The following ZC3H3 variants were observed in gnomAD, a reference collection of about 807,000 sequenced individuals.
ZC3H3 encodes the protein zinc finger CCCH domain-containing protein 3.
Under a neutral mutation model 77.3 loss-of-function variants are expected in ZC3H3, and 36 were observed. That is an observed-to-expected ratio of 0.47 (90% CI 0.36 to 0.61). The LOEUF (loss-of-function observed/expected upper bound fraction) is 0.61. ZC3H3 is among the 20% of genes least tolerant of loss of function. The pLI, the probability that ZC3H3 is intolerant of heterozygous loss-of-function variation, is 0.00. For synonymous variants in ZC3H3, 626 were observed against 555.2 expected (o/e 1.13, Z -1.79); for missense variants, 1,331 against 1,312.2 (o/e 1.01, Z -0.22).
chr8:143,452,592 A>G (rs544954163), intron 9 of ZC3H3, among the ~76,000 whole-genome samples: 7 of 152,338 alleles, frequency 4.6e-5, no homozygotes, highest in African/African-American at 1.7e-4. Context: ...CAATACAAAC[A>G]TGCTGGAAAC....
Position 143,494,980 on chromosome 8 carries a change from G to A in ZC3H3, c.1715+12766C>T, listed in dbSNP as rs542465631. ...ACGTGAGAATGCAGATTAGAAAGGC[G>A]GTAACACCACGTCTGAGGGGAACAG... is the stretch of plus-strand genomic sequence containing the variant. On this transcript the variant is annotated intron_variant, in intron 4 of 11. Coordinates refer to ENST00000262577, the MANE Select transcript of ZC3H3 (RefSeq NM_015117.3). This position sits in a 1 kb window ranked among gnomAD's most constrained non-coding sequence, Gnocchi z 5.3. Among the ~76,000 whole-genome samples, 18 of 152,310 alleles carry A rather than the reference G, an allele frequency of 1.2e-4. 2 individuals carry two copies. The highest frequency in any genetic ancestry group is 2.2e-4 in the African/African-American group (9 of 41,558).
chr8:143,445,140 G>A (rs911938310), intron 9 of ZC3H3, among the ~76,000 whole-genome samples: 2 of 152,140 alleles, frequency 1.3e-5, no homozygotes, highest in African/African-American at 4.8e-5. Flanking sequence ...CCAACACTTT[G>A]GGAAGCCAAG....
intron 4 of ZC3H3, among the ~76,000 whole-genome samples, chr8:143,503,328 ATGATGT>A: frequency 6.6e-6 from 1 of 152,122 alleles, no homozygotes; most frequent in South Asian, 2.1e-4. Context: ...GTCTCCACAC[ATGATGT>A]CTGGCGTGTG....
At chr8:143,447,523 T>C (rs562682437) in intron 9 of ZC3H3, among the ~76,000 whole-genome samples, 2 of 152,352 alleles carry the variant, frequency 1.3e-5, no homozygotes, top group Non-Finnish European at 2.9e-5. Flanking sequence ...GTCTCAGTTC[T>C]GACAGCGAGA....
At chr8:143,534,364 C>T (rs1442009790) in intron 3 of ZC3H3, among the ~76,000 whole-genome samples, 4 of 151,884 alleles carry the variant, frequency 2.6e-5, no homozygotes, top group Non-Finnish European at 4.4e-5. Context: ...CTGTGCACTC[C>T]GAAATGGTCA....
In ZC3H3 at chr8:143,468,555, A is replaced by C; in HGVS notation, c.1947-15T>G. On this transcript the variant is annotated splice_polypyrimidine_tract_variant and intron_variant, in intron 6 of 11. Coordinates refer to ENST00000262577, the MANE Select transcript of ZC3H3 (RefSeq NM_015117.3). ...GCACTGCCCGGCTGCAGACGGGGAG[A>C]GAGGTGCGTGAGCCTGAGGGCGAGC... 4 of 1,604,898 alleles carry C rather than the reference A, an allele frequency of 2.5e-6. No homozygotes were observed. Among genetic ancestry groups the C allele is most frequent in the Non-Finnish European group, 3.4e-6 (4 of 1,176,444 alleles).
chr8:143,449,163 A>C (rs1206702473), intron 9 of ZC3H3, among the ~76,000 whole-genome samples: 1 of 152,214 alleles, frequency 6.6e-6, no homozygotes, highest in Non-Finnish European at 1.5e-5. Flanking sequence ...AAGGTCTCTG[A>C]AATGCCTCTG....
At chr8:143,536,000 T>C (rs1477767389) in intron 3 of ZC3H3, among the ~76,000 whole-genome samples, 6 of 152,174 alleles carry the variant, frequency 3.9e-5, no homozygotes, top group Admixed American at 3.3e-4. Flanking sequence ...GGGACACAGC[T>C]GGGTCCATAC....
chr8:143,516,920 G>A (rs982977996), intron 3 of ZC3H3, among the ~76,000 whole-genome samples: 2 of 152,214 alleles, frequency 1.3e-5, no homozygotes, highest in African/African-American at 4.8e-5. Flanking sequence ...TGAGGAGTTT[G>A]GGCAGCTCAG....
intron 4 of ZC3H3, among the ~76,000 whole-genome samples, chr8:143,496,516 A>G (rs1192633433): frequency 1.3e-5 from 2 of 152,348 alleles, no homozygotes; most frequent in East Asian, 3.9e-4. Context: ...ATAACAGAGC[A>G]GATTACAGCC....
At chr8:143,510,869 C>G (rs1015303614) in intron 3 of ZC3H3, among the ~76,000 whole-genome samples, 1 of 152,214 alleles carries the variant, frequency 6.6e-6, no homozygotes, top group African/African-American at 2.4e-5. Context: ...GCACACTCCG[C>G]GCACATCAAA....
At chr8:143,537,944 G>T in intron 2 of ZC3H3, 59 bp downstream of exon 2, 1 of 1,477,390 alleles carries the variant, frequency 6.8e-7, no homozygotes. Flanking sequence ...CATTAGGGGT[G>T]CCAAACAAAC....
At chr8:143,499,371 C>T (rs941003868) in intron 4 of ZC3H3, among the ~76,000 whole-genome samples, 3 of 152,082 alleles carry the variant, frequency 2.0e-5, no homozygotes, top group Non-Finnish European at 2.9e-5. Context: ...CAGCCCCTCC[C>T]GCCCAGCAGC....
intron 3 of ZC3H3, among the ~76,000 whole-genome samples, chr8:143,525,645 GC>G (rs1822388949): frequency 6.6e-6 from 1 of 152,236 alleles, no homozygotes; most frequent in Non-Finnish European, 1.5e-5. Context: ...GAAAGAGGGG[GC>G]TCCAGTCAAG....
In ZC3H3 at chr8:143,538,468, G is replaced by A; in HGVS notation, c.899C>T (p.Thr300Ile). 2 of 1,613,092 alleles carry A rather than the reference G, an allele frequency of 1.2e-6. No homozygotes were observed. Among genetic ancestry groups the A allele is most frequent in the Non-Finnish European group, 1.7e-6 (2 of 1,180,038 alleles). Residue 300 changes from threonine (T) to isoleucine (I), a missense_variant, in exon 2 of 12, where the codon ACC becomes ATC. Coordinates refer to ENST00000262577, the MANE Select transcript of ZC3H3 (RefSeq NM_015117.3). ...TTTCCGGAACTTGTTAGTTCGACAG[G>A]TCACAACCAGCGAGGCCTCCCGGGC... Reference protein sequence around the residue: ...RQAREASLVVTCRTNKFRKNN... With the variant: ...RQAREASLVVICRTNKFRKNN...
chr8:143,473,593 G>A (rs999762408), intron 5 of ZC3H3, among the ~76,000 whole-genome samples: 1 of 152,236 alleles, frequency 6.6e-6, no homozygotes, highest in Non-Finnish European at 1.5e-5. Flanking sequence ...AGGAAAGCCA[G>A]TGCCAGGACT....
At chr8:143,466,435 A>G (rs1014288335) in intron 8 of ZC3H3, among the ~76,000 whole-genome samples, 2 of 152,224 alleles carry the variant, frequency 1.3e-5, no homozygotes, top group African/African-American at 4.8e-5. Flanking sequence ...GGAAGGGTCC[A>G]GCAGCGTCTT....
intron 3 of ZC3H3, 97 bp downstream of exon 3, chr8:143,536,160 G>T: frequency 7.1e-7 from 1 of 1,406,840 alleles, no homozygotes; most frequent in Non-Finnish European, 9.5e-7. Context: ...GCCTCTACCA[G>T]CATGAGGCAG....
chr8:143,541,070 G>A (rs1822996520), intron 1 of ZC3H3, among the ~76,000 whole-genome samples: 1 of 152,306 alleles, frequency 6.6e-6, no homozygotes, highest in Non-Finnish European at 1.5e-5. Flanking sequence ...AGTGGGCGCC[G>A]GGGGACGCGA....
Sources: gnomAD v4.1 joint callset for allele counts (sites outside exome capture counted in the v4.1 genomes callset) on GRCh38, gnomAD v4.1.1 for gene constraint, Gnocchi (gnomAD v3.1) non-coding constraint, MANE v1.5 for transcripts, NCBI Gene and HGNC (gene_info 2026-07-23, HGNC 2026-07-21) for gene names.